SMC6: variants seen among roughly 807,000 people sequenced by gnomAD.
SMC6 encodes the protein structural maintenance of chromosomes protein 6.
Under a neutral mutation model 142.2 loss-of-function variants are expected in SMC6, and 79 were observed. The ratio of observed to expected loss-of-function variants is 0.56; its 90% CI spans 0.46 to 0.67. The LOEUF (loss-of-function observed/expected upper bound fraction) is 0.67. SMC6 is among the 30% of genes least tolerant of loss of function. SMC6 has a pLI of 0.00. For synonymous variants in SMC6, 411 were observed against 412.4 expected (o/e 1.00, Z 0.04); for missense variants, 1,072 against 1,284.0 (o/e 0.83, Z 2.52).
At chr2:17,717,374 A>G (rs1032766667) in intron 12 of SMC6, among the ~76,000 whole-genome samples, 198 bp from the exon 13 acceptor site, 4 of 152,156 alleles carry the variant, frequency 2.6e-5, no homozygotes, top group African/African-American at 9.7e-5. Context: ...CAAAATCTCT[A>G]CTTTAAAAAA....
intron 24 of SMC6, 84 bp downstream of exon 24, chr2:17,683,554 G>T: frequency 8.1e-7 from 1 of 1,234,792 alleles, no homozygotes; most frequent in Non-Finnish European, 1.1e-6. Context: ...AATAGTCTCT[G>T]CTATAACAGA....
intron 2 of SMC6, among the ~76,000 whole-genome samples, chr2:17,750,460 C>T (rs1459636316): frequency 1.3e-5 from 2 of 152,150 alleles, no homozygotes; most frequent in Non-Finnish European, 2.9e-5. Context: ...AAAGGAGAGA[C>T]TGAGGCACAA....
chr2:17,701,758 G>T, intron 20 of SMC6, 71 bp downstream of exon 20: 1 of 892,040 alleles, frequency 1.1e-6, no homozygotes. Context: ...AAAAAGCTGA[G>T]TTGATGCCAT....
chr2:17,734,955 C>T (rs1670079843), intron 5 of SMC6, among the ~76,000 whole-genome samples: 3 of 152,200 alleles, frequency 2.0e-5, no homozygotes, highest in South Asian at 4.1e-4. Context: ...TAGTCTTGAA[C>T]TCCTGACCTC....
chr2:17,686,898 G>A (rs963305713), intron 23 of SMC6, among the ~76,000 whole-genome samples: 63 of 152,234 alleles, frequency 4.1e-4, no homozygotes, highest in African/African-American at 1.5e-3. Context: ...ACTTTGTTCC[G>A]TGAACAAAAT....
At chr2:17,678,999 G>A in intron 24 of SMC6, 35 bp from the exon 25 acceptor site, 1 of 1,463,158 alleles carries the variant, frequency 6.8e-7, no homozygotes, top group Non-Finnish European at 9.5e-7. Flanking sequence ...TTAAAAAGAG[G>A]GCAAAGGTTT....
At chr2:17,669,646 A>T (rs1397705666) in intron 26 of SMC6, among the ~76,000 whole-genome samples, 2 of 152,196 alleles carry the variant, frequency 1.3e-5, no homozygotes, top group African/African-American at 4.8e-5. Flanking sequence ...AAATACTTCA[A>T]AAAATAAGGT....
At chr2:17,671,102 C>CGGTT (rs1666738935) in intron 25 of SMC6, among the ~76,000 whole-genome samples, 1 of 150,232 alleles carries the variant, frequency 6.7e-6, no homozygotes. Context: ...TTGAACTCCT[C>CGGTT]GGTTCAAGCA....
intron 23 of SMC6, 47 bp downstream of exon 23, chr2:17,695,105 A>T (rs377161958): frequency 3.1e-6 from 5 of 1,596,178 alleles, no homozygotes; most frequent in Admixed American, 3.6e-5. Context: ...TGTCTTGATG[A>T]TATGCATGAA....
intron 25 of SMC6, among the ~76,000 whole-genome samples, chr2:17,673,983 T>G (rs551124276): frequency 7.9e-5 from 12 of 152,328 alleles, no homozygotes; most frequent in Admixed American, 7.8e-4. Flanking sequence ...CATATATGTA[T>G]GATTTATGCA....
intron 5 of SMC6, 102 bp from the exon 6 acceptor site, chr2:17,731,979 C>T (rs1230347607): frequency 8.6e-6 from 11 of 1,279,712 alleles, no homozygotes; most frequent in Non-Finnish European, 1.2e-5. Flanking sequence ...AATAATTTGG[C>T]CAATTCATTT....
intron 25 of SMC6, among the ~76,000 whole-genome samples, chr2:17,677,258 T>C (rs148227015): frequency 1.5e-3 from 232 of 152,200 alleles, no homozygotes; most frequent in African/African-American, 5.2e-3. Context: ...TGAGGTATGA[T>C]AGGGCTCACA....
In SMC6 at chr2:17,727,176, G is replaced by C. The variant is rs954079929; in HGVS notation, c.544-707C>G. 8.5e-5 allele frequency among the ~76,000 whole-genome samples: 13 copies of C among 152,218 alleles called. No individual in the cohort carries two copies. The East Asian group carries it at 2.5e-3, about 29-fold the overall frequency. ...TGAAGGATGCAAAGTATTGATTCTGGGTGTGTTCCCGAGGGTATTGCCAAA... is the reference window on the plus strand; with the variant it reads ...TGAAGGATGCAAAGTATTGATTCTGCGTGTGTTCCCGAGGGTATTGCCAAA... On this transcript the variant is annotated intron_variant, in intron 7 of 27. Transcript: ENST00000448223.
chr2:17,690,925 A>T (rs957516166), intron 23 of SMC6, among the ~76,000 whole-genome samples: 1 of 151,952 alleles, frequency 6.6e-6, no homozygotes, highest in Admixed American at 6.6e-5. Context: ...ATCCCTATAA[A>T]GGGAAATCTG....
At chr2:17,730,179 C>G (rs1669837045) in intron 7 of SMC6, among the ~76,000 whole-genome samples, 1 of 152,086 alleles carries the variant, frequency 6.6e-6, no homozygotes, top group Non-Finnish European at 1.5e-5. Context: ...AAACAAACAG[C>G]CTGGATTAGG....
At chr2:17,686,822 A>C (rs1667477201) in intron 23 of SMC6, among the ~76,000 whole-genome samples, 1 of 152,198 alleles carries the variant, frequency 6.6e-6, no homozygotes, top group South Asian at 2.1e-4. Flanking sequence ...TCAAACAACC[A>C]CAGATTGTTT....
At chr2:17,716,294 T>A in intron 14 of SMC6, 30 bp from the exon 15 acceptor site, 2 of 1,580,956 alleles carry the variant, frequency 1.3e-6, no homozygotes, top group Non-Finnish European at 1.7e-6. Flanking sequence ...AAACAGAACA[T>A]ATATGTGATA....
At chr2:17,729,026 A>C (rs1669773544) in intron 7 of SMC6, among the ~76,000 whole-genome samples, 1 of 152,308 alleles carries the variant, frequency 6.6e-6, no homozygotes, top group African/African-American at 2.4e-5. Flanking sequence ...TGGGGATAAC[A>C]GATGTGAGCC....
At chr2:17,737,880 G>C (rs752922231) in intron 5 of SMC6, among the ~76,000 whole-genome samples, 1 of 152,190 alleles carries the variant, frequency 6.6e-6, no homozygotes, top group Non-Finnish European at 1.5e-5. Context: ...ACTCACTGAT[G>C]CTGGGTTTGG....
Sources: allele counts gnomAD v4.1 joint callset (sites outside exome capture counted in the v4.1 genomes callset), GRCh38; gene constraint gnomAD v4.1.1; transcripts MANE v1.5; gene names NCBI Gene and HGNC (gene_info 2026-07-23, HGNC 2026-07-21).